The following ATM variants were observed in gnomAD, a reference collection of about 807,000 sequenced individuals.
ATM encodes the protein ATM serine/threonine kinase, also known as serine-protein kinase ATM.
In ATM, 308 loss-of-function variants were observed where a neutral mutation model predicts 387.0. The ratio of observed to expected loss-of-function variants is 0.80; its 90% CI spans 0.73 to 0.87. The LOEUF (loss-of-function observed/expected upper bound fraction) is 0.87. Ranked by LOEUF, ATM falls within the 40% of genes least tolerant of loss-of-function variation. The probability of loss-of-function intolerance (pLI) is 0.00; values close to 1 mark genes in which losing one functional copy is unlikely to be tolerated. For missense variants in ATM, 3,312 were observed against 3,560.9 expected (o/e 0.93, Z 1.78); for synonymous variants, 1,156 against 1,187.3 (o/e 0.97, Z 0.54).
chr11:108,312,803 G>A (rs569325883), intron 40 of ATM, among the ~76,000 whole-genome samples: 45 of 152,220 alleles, frequency 3.0e-4, no homozygotes, highest in South Asian at 8.3e-4. Context: ...AGCACTTAGG[G>A]TTTATAATTA....
intron 59 of ATM, among the ~76,000 whole-genome samples, chr11:108,349,727 T>C (rs2088950479): frequency 6.6e-6 from 1 of 152,166 alleles, no homozygotes; most frequent in Admixed American, 6.6e-5. Context: ...GCAGAGAAAT[T>C]TGCTGCAGGA....
intron 22 of ATM, among the ~76,000 whole-genome samples, chr11:108,273,276 T>C (rs1015809793): frequency 6.6e-6 from 1 of 151,864 alleles, no homozygotes. Context: ...GGAAGGATTC[T>C]ATCATGAGGA....
intron 58 of ATM, 79 bp downstream of exon 58, chr11:108,345,987 C>T (rs2137045349): frequency 1.3e-6 from 2 of 1,540,148 alleles, no homozygotes; most frequent in Non-Finnish European, 1.8e-6. Flanking sequence ...AGCACTTTTT[C>T]TACATTCTGA....
intron 60 of ATM, 42 bp from the exon 61 acceptor site, chr11:108,354,769 G>T: frequency 6.6e-7 from 1 of 1,509,516 alleles, no homozygotes; most frequent in Non-Finnish European, 9.2e-7. Flanking sequence ...TGACAACATT[G>T]GTGTGTAACA....
chr11:108,301,626 G>A (rs2135911074), intron 34 of ATM, 22 bp from the exon 35 acceptor site: 2 of 1,613,018 alleles, frequency 1.2e-6, no homozygotes, highest in African/African-American at 2.7e-5. Context: ...TACTTGATAG[G>A]CATTTGAATT....
At chr11:108,308,038 A>G in intron 38 of ATM, 54 bp downstream of exon 38, 1 of 1,487,830 alleles carries the variant, frequency 6.7e-7, no homozygotes, top group South Asian at 1.1e-5. Context: ...TAACTTGTTA[A>G]CTATCGGCTG....
chr11:108,353,651 G>A (rs1280780187), intron 59 of ATM, 115 bp from the exon 60 acceptor site: 5 of 826,066 alleles, frequency 6.1e-6, no homozygotes, highest in Admixed American at 5.4e-5. Context: ...ACATACTAGT[G>A]TTCATAGAAC....
intron 61 of ATM, among the ~76,000 whole-genome samples, chr11:108,362,186 A>C (rs1191077349): frequency 6.9e-6 from 1 of 145,002 alleles, no homozygotes; most frequent in Non-Finnish European, 1.5e-5. Context: ...CAGCCAAAAA[A>C]CACATGAAAA....
At position 108,254,543 on chromosome 11, in the gene ATM, T is replaced by A. The variant is rs4987954; in HGVS notation, c.2124+504T>A. Among the ~76,000 whole-genome samples the A allele has an allele frequency of 3.9e-5, 6 of 152,354 alleles. No homozygotes were observed. The South Asian group carries it at 1.2e-3, about 32-fold the overall frequency. ...ATGTATACTATTCTCTTGCCAAAAC[T>A]TGCATTTTTTAAAATGTGAAATGTC... On this transcript the variant is annotated intron_variant, in intron 13 of 62. Transcript: ENST00000675843.
At chr11:108,274,299 C>A (rs1026211045) in intron 22 of ATM, among the ~76,000 whole-genome samples, 2 of 152,036 alleles carry the variant, frequency 1.3e-5, no homozygotes, top group African/African-American at 2.4e-5. Context: ...TTAATCTTTT[C>A]AAAAAATCAG....
At chr11:108,303,164 C>T (rs528271166) in intron 36 of ATM, 135 bp downstream of exon 36, 11 of 937,922 alleles carry the variant, frequency 1.2e-5, no homozygotes, top group Admixed American at 5.1e-5. Flanking sequence ...AGTGAGCATC[C>T]GTATTTAGTC....
intron 58 of ATM, among the ~76,000 whole-genome samples, chr11:108,346,836 A>C (rs1278167163): frequency 6.6e-6 from 1 of 152,112 alleles, no homozygotes. Flanking sequence ...TTAATGATTA[A>C]TTTGTGTTAA....
In ATM at chr11:108,319,987, A is replaced by AT. The variant is rs1198014194; in HGVS notation, c.6383dup (p.Leu2128PhefsTer18). On this transcript the variant is annotated frameshift_variant, in exon 44 of 63. Coordinates refer to ENST00000675843, the MANE Select transcript of ATM (RefSeq NM_000051.4). LOFTEE classifies it high-confidence loss of function. ...TAGAAGGAACCAGTTACCATGAATCATTGTACAATGCTCTACAATCTCTAA... is the reference window on the plus strand; with the variant it reads ...TAGAAGGAACCAGTTACCATGAATCATTTGTACAATGCTCTACAATCTCTAA... 1.2e-6 allele frequency: 2 copies of AT among 1,612,738 alleles called. No homozygotes were observed.
At chr11:108,237,833 A>G (rs538137862) in intron 5 of ATM, among the ~76,000 whole-genome samples, 36 of 151,858 alleles carry the variant, frequency 2.4e-4, no homozygotes, top group Non-Finnish European at 5.1e-4. Flanking sequence ...ATTTGAGAAG[A>G]ATAGAAATCT....
intron 40 of ATM, among the ~76,000 whole-genome samples, chr11:108,314,223 C>T (rs760928711): frequency 6.6e-6 from 1 of 152,092 alleles, no homozygotes; most frequent in Non-Finnish European, 1.5e-5. Context: ...TCAAGCCATC[C>T]TCCAACCTCA....
chr11:108,358,450 C>A (rs1177550179), intron 61 of ATM, among the ~76,000 whole-genome samples: 1 of 150,976 alleles, frequency 6.6e-6, no homozygotes. Flanking sequence ...GAGAATGCCA[C>A]AAAGATACTC....
At chr11:108,272,406 C>G (rs1163448426) in intron 20 of ATM, 126 bp from the exon 21 acceptor site, 1 of 817,018 alleles carries the variant, frequency 1.2e-6, no homozygotes, top group African/African-American at 1.7e-5. Context: ...GCATATTCCA[C>G]ATAATGACAA....
chr11:108,314,568 A>T (rs1280625968), intron 40 of ATM, among the ~76,000 whole-genome samples: 2 of 152,008 alleles, frequency 1.3e-5, no homozygotes, highest in Non-Finnish European at 2.9e-5. Context: ...GTTGTCTAGG[A>T]CCAGTCTACT....
intron 39 of ATM, among the ~76,000 whole-genome samples, chr11:108,310,807 C>G (rs1386874711): frequency 6.6e-6 from 1 of 152,154 alleles, no homozygotes; most frequent in Non-Finnish European, 1.5e-5. Context: ...TCTTTATCTA[C>G]CTATATTTCT....
Sources: allele counts gnomAD v4.1 joint callset (sites outside exome capture counted in the v4.1 genomes callset), GRCh38; gene constraint gnomAD v4.1.1; transcripts MANE v1.5; gene names NCBI Gene and HGNC (gene_info 2026-07-23, HGNC 2026-07-21).